The following ARFGEF2 variants were observed in gnomAD, a reference collection of about 807,000 sequenced individuals.
The protein encoded by ARFGEF2 is brefeldin A-inhibited guanine nucleotide-exchange protein 2.
Under a neutral mutation model 219.9 loss-of-function variants are expected in ARFGEF2, and 74 were observed. The ratio of observed to expected loss-of-function variants is 0.34; its 90% CI spans 0.28 to 0.41. The LOEUF is 0.41. ARFGEF2 is among the 10% of genes least tolerant of loss of function. ARFGEF2 has a pLI of 1.00. For synonymous variants in ARFGEF2, 733 were observed against 799.2 expected (o/e 0.92, Z 1.40); for missense variants, 1,743 against 2,218.3 (o/e 0.79, Z 4.30).
Position 48,938,967 on chromosome 20 carries a change from G to GTTTTTTT in ARFGEF2, c.122-2230_122-2224dup, listed in dbSNP as rs199950635. Among the ~76,000 whole-genome samples the GTTTTTTT allele has an allele frequency of 5.6e-5, 8 of 143,112 alleles. 2 individuals carry two copies. Among genetic ancestry groups the GTTTTTTT allele is most frequent in the Admixed American group, 1.5e-4 (2 of 13,570 alleles). 93.9% of individuals were successfully genotyped at this position (143,112 alleles called of 152,430 possible). ...CTTTTGTGTTTGGTTTGTTTTATGG[G>GTTTTTTT]TTTTTTTTGTTTGTTTTTTTTTTTT... is the stretch of plus-strand genomic sequence containing the variant. On this transcript the variant is annotated intron_variant, in intron 1 of 38. Transcript: ENST00000371917.
chr20:48,968,986 G>A (rs551742163), intron 8 of ARFGEF2, among the ~76,000 whole-genome samples, 161 bp from the exon 9 acceptor site: 2 of 151,804 alleles, frequency 1.3e-5, no homozygotes, highest in Non-Finnish European at 2.9e-5. Flanking sequence ...TTTGAGATAC[G>A]GTCTCACTAT....
chr20:48,951,667 G>A (rs1421293029), intron 4 of ARFGEF2, among the ~76,000 whole-genome samples, 198 bp downstream of exon 4: 1 of 152,176 alleles, frequency 6.6e-6, no homozygotes, highest in Non-Finnish European at 1.5e-5. Flanking sequence ...GGAACCAGGT[G>A]TGTTTTCAAA....
Position 49,011,909 on chromosome 20 carries a change from C to T in ARFGEF2, c.3758-15C>T. 6.2e-7 allele frequency: 1 copy of T among 1,613,996 alleles called. No homozygotes were observed. Among genetic ancestry groups the T allele is most frequent in the East Asian group, 2.2e-5 (1 of 44,874 alleles). Reference sequence around the variant, plus strand: ...AATCCTGGTCTTATGAAAAATGTGCCTTGTGTTCCCCCAGCAACTATTTTC... The same window carrying T: ...AATCCTGGTCTTATGAAAAATGTGCTTTGTGTTCCCCCAGCAACTATTTTC... On this transcript the variant is annotated splice_polypyrimidine_tract_variant and intron_variant, in intron 27 of 38. Coordinates refer to ENST00000371917, the MANE Select transcript of ARFGEF2 (RefSeq NM_006420.3).
rs2091664565 is a variant in ARFGEF2 at position 49,036,026 on chromosome 20, CTTTT to C, written c.*2828_*2831del. On this transcript the variant is annotated 3_prime_UTR_variant, in exon 39 of 39. Coordinates refer to ENST00000371917, the MANE Select transcript of ARFGEF2 (RefSeq NM_006420.3). ...AAAAACCTGTATTTTTTTTGTTGTT[CTTTT>C]GTGATTAAGGATATACATTTAGTAG... The C allele has an allele frequency of 2.6e-6, 1 of 384,730 alleles. No homozygotes were observed. Among genetic ancestry groups the C allele is most frequent in the East Asian group, 3.7e-5 (1 of 27,356 alleles). The allele number at this position is 384,730 out of a possible 1,614,324, so 23.8% of individuals were successfully genotyped here.
At chr20:49,029,904 T>A in intron 37 of ARFGEF2, among the ~76,000 whole-genome samples, 3 of 65,422 alleles carry the variant, frequency 4.6e-5, no homozygotes, top group Admixed American at 2.0e-4. Context: ...AAAAGTGAAT[T>A]TTTTTTTTTT....
Position 49,022,436 on chromosome 20 carries a change from AAAAAAC to A in ARFGEF2, c.4625-614_4625-609del, listed in dbSNP as rs1444622421. Among the ~76,000 whole-genome samples, 137 of 124,282 alleles carry A rather than the reference AAAAAAC, an allele frequency of 1.1e-3. 3 individuals are homozygous for A. Among genetic ancestry groups the A allele is most frequent in the Middle Eastern group, 7.4e-3 (2 of 270 alleles). 81.5% of individuals were successfully genotyped at this position (124,282 alleles called of 152,430 possible). ...AAACAACAACAACAACAACAAAAAA[AAAAAAC>A]CCACAAGCTTCTGGCCTCTTCAGAG... On this transcript the variant is annotated intron_variant, in intron 34 of 38. Transcript: ENST00000371917.
At chr20:48,990,087 G>A (rs1221589543) in intron 20 of ARFGEF2, among the ~76,000 whole-genome samples, 1 of 152,206 alleles carries the variant, frequency 6.6e-6, no homozygotes, top group African/African-American at 2.4e-5. Flanking sequence ...GCTGAGGCAG[G>A]AGACCGGCTT....
chr20:48,942,433 A>G lies in ARFGEF2; in HGVS notation c.276+446A>G, dbSNP rs529557930. On this transcript the variant is annotated intron_variant, in intron 3 of 38. Transcript: ENST00000371917. ...CCAAAGTGCTGGGTTTATAGGCATG[A>G]GCCACCACACCTCCTGGCTCAGCCT... 7.2e-4 allele frequency among the ~76,000 whole-genome samples: 105 copies of G among 144,888 alleles called. No individual in the cohort carries two copies. In the South Asian group the frequency reaches 7.8e-3, roughly 11 times the overall value.
At chr20:48,980,236 T>G (rs558867042) in intron 14 of ARFGEF2, among the ~76,000 whole-genome samples, 1 of 152,346 alleles carries the variant, frequency 6.6e-6, no homozygotes, top group African/African-American at 2.4e-5. Context: ...AATTTCGTTA[T>G]GTACCCAGTA....
At position 48,953,633 on chromosome 20, in the gene ARFGEF2, C is replaced by T. The variant is rs2091086177; in HGVS notation, c.681C>T (p.Ser227=). 2 of 1,614,102 alleles carry T rather than the reference C, an allele frequency of 1.2e-6. No individual in the cohort carries two copies. The highest frequency in any genetic ancestry group is 1.7e-6 in the Non-Finnish European group (2 of 1,180,028). Residue 227 remains serine (S), a synonymous_variant, in exon 6 of 39, where the codon TCC becomes TCT. Transcript: ENST00000371917. ...QSPVIQAAAV[S]PKFVRLKHSQ... is the part of the protein sequence containing the mutation. The stretch of plus-strand genomic sequence containing the variant: ...CTGTGATCCAAGCTGCAGCAGTATC[C>T]CCAAAGTTCGTTCGTTTGAAGCACA...
chr20:49,010,388 C>A lies in ARFGEF2; in HGVS notation c.3741C>A (p.Thr1247=), dbSNP rs1226815164. ...ACATTGTGGAGCTGGCCTTCCAGAC[C>A]ACTTGCCACATTGTCAGTAAGTGGC... The part of the protein sequence containing the change: ...DGNIVELAFQ[T]TCHIVTTIFQ... The change falls in exon 27 of 39, where the codon ACC becomes ACA. Residue 1247 remains threonine (T), a synonymous_variant. Coordinates refer to ENST00000371917, the MANE Select transcript of ARFGEF2 (RefSeq NM_006420.3). The A allele has an allele frequency of 3.7e-6, 6 of 1,614,016 alleles. No individual in the cohort carries two copies. Among genetic ancestry groups the A allele is most frequent in the Non-Finnish European group, 5.1e-6 (6 of 1,180,042 alleles).
chr20:48,978,161 A>G (rs995342104), intron 14 of ARFGEF2, among the ~76,000 whole-genome samples: 6 of 152,092 alleles, frequency 3.9e-5, no homozygotes, highest in African/African-American at 1.2e-4. Context: ...TGTCTAAGGT[A>G]TAAGGAAGGG....
rs941990133 is a variant in ARFGEF2, at chr20:49,034,410, C to A, written c.*1211C>A. The stretch of plus-strand genomic sequence containing the variant: ...GTTAATGATGGTGCAATACTCTCAC[C>A]TGCAGTAGAACTGAGTTCTGCTGCA... On this transcript the variant is annotated 3_prime_UTR_variant, in exon 39 of 39. Coordinates refer to ENST00000371917, the MANE Select transcript of ARFGEF2 (RefSeq NM_006420.3). 6.6e-6 allele frequency: 1 copy of A among 152,196 alleles called. No homozygotes were observed. Among genetic ancestry groups the A allele is most frequent in the African/African-American group, 2.4e-5 (1 of 41,440 alleles). 9.4% of individuals were successfully genotyped at this position (152,196 alleles called of 1,614,324 possible).
At chr20:48,936,146 G>A (rs2090953103) in intron 1 of ARFGEF2, among the ~76,000 whole-genome samples, 2 of 140,774 alleles carry the variant, frequency 1.4e-5, no homozygotes, top group African/African-American at 2.7e-5. Flanking sequence ...CCTCCCTCCC[G>A]GACGGGGCGG....
chr20:48,954,522 A>G (rs1164377518), intron 6 of ARFGEF2, among the ~76,000 whole-genome samples: 5 of 152,162 alleles, frequency 3.3e-5, no homozygotes, highest in Admixed American at 2.0e-4. Flanking sequence ...AGGTTGTTCT[A>G]TACAAAATAT....
chr20:48,925,552 A>G (rs2090871401), intron 1 of ARFGEF2, among the ~76,000 whole-genome samples: 1 of 152,194 alleles, frequency 6.6e-6, no homozygotes, highest in Non-Finnish European at 1.5e-5. Flanking sequence ...AAATTTATCT[A>G]TGGCTGGGCA....
chr20:48,933,477 TGTG>T (rs2090926714), intron 1 of ARFGEF2, among the ~76,000 whole-genome samples: 1 of 152,064 alleles, frequency 6.6e-6, no homozygotes, highest in Admixed American at 6.6e-5. Context: ...CTCCCTGGGT[TGTG>T]GTGAGGACTG....
intron 3 of ARFGEF2, 26 bp downstream of exon 3, chr20:48,942,013 C>T: frequency 1.2e-6 from 2 of 1,613,612 alleles, no homozygotes; most frequent in Non-Finnish European, 1.7e-6. Flanking sequence ...TTCGTGTTGT[C>T]AAGGGGGTTC....
rs560526639 is a variant in ARFGEF2, at chr20:49,030,780, C to T, written c.5064-1269C>T. On this transcript the variant is annotated intron_variant, in intron 37 of 38. Coordinates refer to ENST00000371917, the MANE Select transcript of ARFGEF2 (RefSeq NM_006420.3). Reference sequence around the variant, plus strand: ...TTGGGAGGCCGAGCCAGGTGGATCACAAGGTCAGGAGTTTGAGACCAGCCT... The same window carrying T: ...TTGGGAGGCCGAGCCAGGTGGATCATAAGGTCAGGAGTTTGAGACCAGCCT... Among the ~76,000 whole-genome samples the T allele has an allele frequency of 1.2e-3, 189 of 152,170 alleles. 1 individual carries two copies. The highest frequency in any genetic ancestry group is 4.4e-3 in the African/African-American group (183 of 41,506).
Sources: allele counts gnomAD v4.1 joint callset (sites outside exome capture counted in the v4.1 genomes callset), GRCh38; gene constraint gnomAD v4.1.1; transcripts MANE v1.5; gene names NCBI Gene and HGNC (gene_info 2026-07-23, HGNC 2026-07-21).